The following ARMH3 variants were observed in gnomAD, a reference collection of about 807,000 sequenced individuals.
ARMH3 encodes armadillo-like helical domain-containing protein 3.
ARMH3 carries 60 observed loss-of-function variants against 99.1 expected under a neutral mutation model. The ratio of observed to expected loss-of-function variants is 0.61; its 90% CI spans 0.49 to 0.75. The LOEUF is 0.75. Among genes scored for constraint, ARMH3 ranks in the 30% least tolerant of loss-of-function variants. The pLI is 0.00. For synonymous variants in ARMH3, 285 were observed against 292.8 expected (o/e 0.97, Z 0.27); for missense variants, 679 against 843.1 (o/e 0.81, Z 2.41).
intron 24 of ARMH3, among the ~76,000 whole-genome samples, chr10:101,875,928 A>G (rs1589948884): frequency 6.6e-6 from 1 of 152,120 alleles, no homozygotes; most frequent in African/African-American, 2.4e-5. Context: ...GGGGCTGGGG[A>G]AACATGATAC....
intron 23 of ARMH3, among the ~76,000 whole-genome samples, chr10:101,937,399 G>T (rs991887341): frequency 3.9e-5 from 6 of 152,012 alleles, no homozygotes; most frequent in African/African-American, 1.4e-4. Context: ...CGTGCCTATA[G>T]TCCCACCTAC....
intron 23 of ARMH3, among the ~76,000 whole-genome samples, chr10:101,918,368 C>T (rs933168299): frequency 1.3e-5 from 2 of 152,098 alleles, no homozygotes; most frequent in African/African-American, 4.8e-5. Flanking sequence ...AGTATATTAT[C>T]TTTAATAACT....
chr10:102,048,693 G>GAGATTACAGGCATGAGCCACCGCA (rs1301305243), intron 1 of ARMH3, among the ~76,000 whole-genome samples: 1 of 152,138 alleles, frequency 6.6e-6, no homozygotes, highest in African/African-American at 2.4e-5. Context: ...CCAAAGTGCT[G>GAGATTACAGGCATGAGCCACCGCA]AGATTACAGG....
chr10:101,963,771 T>C (rs1232830849), intron 20 of ARMH3, among the ~76,000 whole-genome samples: 2 of 151,920 alleles, frequency 1.3e-5, no homozygotes, highest in African/African-American at 2.4e-5. Context: ...GGCTGTCTCC[T>C]GGTAGTAGTT....
At chr10:101,895,278 C>CTTTT (rs745819768) in intron 23 of ARMH3, among the ~76,000 whole-genome samples, 1 of 131,726 alleles carries the variant, frequency 7.6e-6, no homozygotes, top group East Asian at 2.2e-4. Context: ...CGATAAAATT[C>CTTTT]TTTTTTTTTT....
At chr10:101,939,236 G>C (rs182234393) in intron 23 of ARMH3, among the ~76,000 whole-genome samples, 1 of 152,138 alleles carries the variant, frequency 6.6e-6, no homozygotes, top group Non-Finnish European at 1.5e-5. Flanking sequence ...AGGGAGCAAC[G>C]AACAGAAGAA....
intron 24 of ARMH3, among the ~76,000 whole-genome samples, chr10:101,869,807 T>G (rs529672410): frequency 5.1e-4 from 77 of 151,620 alleles, no homozygotes; most frequent in African/African-American, 1.8e-3. Context: ...CTGAGGGGGG[T>G]GGATCACTTG....
chr10:101,919,489 C>T (rs1564751837), intron 23 of ARMH3, among the ~76,000 whole-genome samples: 2 of 152,194 alleles, frequency 1.3e-5, no homozygotes, highest in Middle Eastern at 6.8e-3. Context: ...CTTAATAGTC[C>T]CATCTCTCGC....
intron 24 of ARMH3, among the ~76,000 whole-genome samples, chr10:101,861,876 CCA>C (rs2066879792): frequency 9.1e-6 from 1 of 109,820 alleles, no homozygotes; most frequent in African/African-American, 3.5e-5. Context: ...ACTAAAAATA[CCA>C]AAAAAAAAAA....
At position 102,002,070 on chromosome 10, in the gene ARMH3, T is replaced by C. The variant is rs1170614954; in HGVS notation, c.1051A>G (p.Ile351Val). Residue 351 changes from isoleucine to valine, a missense_variant and splice_region_variant, in exon 15 of 26, where the codon ATA (isoleucine) becomes GTA (valine). Transcript: ENST00000370033. Reference protein sequence around the residue: ...LGTTPPSSDVISSVELPLDAD... With the variant: ...LGTTPPSSDVVSSVELPLDAD... ...TCCAGTGGGAGTTCCACAGAACTTATAACTGGAATAGAACAGATAAAATGC... is the reference window on the plus strand; with the variant it reads ...TCCAGTGGGAGTTCCACAGAACTTACAACTGGAATAGAACAGATAAAATGC... 1.6e-5 allele frequency: 26 copies of C among 1,613,900 alleles called. No individual in the cohort carries two copies. The highest frequency in any genetic ancestry group is 2.2e-5 in the Non-Finnish European group (26 of 1,180,016).
At chr10:102,019,858 G>A (rs2066838895) in intron 8 of ARMH3, among the ~76,000 whole-genome samples, 2 of 151,078 alleles carry the variant, frequency 1.3e-5, no homozygotes, top group South Asian at 4.2e-4. Context: ...AACCCAGGAG[G>A]CAGAGCTTGC....
chr10:101,991,011 C>T (rs554312618), intron 18 of ARMH3, among the ~76,000 whole-genome samples: 3 of 152,352 alleles, frequency 2.0e-5, no homozygotes, highest in Admixed American at 2.0e-4. Context: ...AGAGACTCAG[C>T]TCTAAAGCTA....
At chr10:101,986,556 T>C (rs1414586482) in intron 19 of ARMH3, among the ~76,000 whole-genome samples, 1 of 152,134 alleles carries the variant, frequency 6.6e-6, no homozygotes, top group Non-Finnish European at 1.5e-5. Context: ...CTTTGAGTAT[T>C]AAGTCTTTCC....
intron 2 of ARMH3, 77 bp downstream of exon 2, chr10:102,039,936 C>T (rs145221593): frequency 2.2e-6 from 3 of 1,350,784 alleles, no homozygotes; most frequent in Non-Finnish European, 3.2e-6. Context: ...AGGTAGCAGG[C>T]AGAGGTAAGG....
At chr10:101,995,145 G>A in intron 16 of ARMH3, 152 bp downstream of exon 16, 1 of 679,044 alleles carries the variant, frequency 1.5e-6, no homozygotes, top group Non-Finnish European at 2.6e-6. Context: ...CTACACTCTA[G>A]TGGGAGAAGA....
Position 101,969,846 on chromosome 10 carries a change from G to A in ARMH3, c.1495+5366C>T, listed in dbSNP as rs543482860. Among the ~76,000 whole-genome samples the A allele has an allele frequency of 3.9e-5, 6 of 152,254 alleles. No homozygotes were observed. In the South Asian group the frequency reaches 1.2e-3, roughly 32 times the overall value. ...GACTCTGTTTAGCGTCTGGTTCCAT[G>A]ATCCTTAGCAAGTCACTTAACCCTT... is the stretch of plus-strand genomic sequence containing the variant. On this transcript the variant is annotated intron_variant, in intron 20 of 25. Coordinates refer to ENST00000370033, the MANE Select transcript of ARMH3 (RefSeq NM_024541.3).
At chr10:101,947,084 A>T (rs886793152) in intron 22 of ARMH3, among the ~76,000 whole-genome samples, 2 of 152,068 alleles carry the variant, frequency 1.3e-5, no homozygotes, top group Admixed American at 1.3e-4. Context: ...GCTACTCGGG[A>T]GGCTGAGGCA....
At chr10:102,016,250 C>A (rs117087097) in intron 8 of ARMH3, among the ~76,000 whole-genome samples, 2 of 152,192 alleles carry the variant, frequency 1.3e-5, no homozygotes, top group Admixed American at 1.3e-4. Flanking sequence ...ATCCAAAAAT[C>A]TGAAATACTC....
intron 15 of ARMH3, among the ~76,000 whole-genome samples, chr10:102,001,608 T>G (rs1172532514): frequency 2.6e-5 from 4 of 152,230 alleles, no homozygotes; most frequent in Admixed American, 1.3e-4. Context: ...CACGAGCTGA[T>G]GCTTTCAGTT....
Sources: gnomAD v4.1 joint callset for allele counts (sites outside exome capture counted in the v4.1 genomes callset) on GRCh38, gnomAD v4.1.1 for gene constraint, MANE v1.5 for transcripts, NCBI Gene and HGNC (gene_info 2026-07-23, HGNC 2026-07-21) for gene names.